The following TMEM165 variants were observed in gnomAD, a reference collection of about 807,000 sequenced individuals.
TMEM165 encodes the protein transmembrane protein 165.
A neutral mutation model predicts 30.0 loss-of-function variants in TMEM165; 19 were observed. The ratio of observed to expected loss-of-function variants is 0.63; its 90% CI spans 0.44 to 0.93. The LOEUF (loss-of-function observed/expected upper bound fraction) is 0.93. Ranked by LOEUF, TMEM165 falls within the 40% of genes least tolerant of loss-of-function variation. The pLI is 0.00. For synonymous variants in TMEM165, 168 were observed against 162.9 expected, an observed-to-expected ratio of 1.03 and a Z score of -0.24; for missense variants, 340 against 417.0, an observed-to-expected ratio of 0.82 and a Z score of 1.61.
chr4:55,427,993 T>TGCAGG (rs1722306373), downstream of TMEM165: 2 of 152,368 alleles, frequency 1.3e-5, no homozygotes, highest in Admixed American at 1.3e-4. Context: ...CAGGTGTTAT[T>TGCAGG]TTTTGAGAAA....
At chr4:55,417,661 A>C (rs1721793579) in intron 3 of TMEM165, 142 bp from the exon 4 acceptor site, 1 of 669,476 alleles carries the variant, frequency 1.5e-6, no homozygotes, top group Non-Finnish European at 2.5e-6. Context: ...AGTGGTTCAG[A>C]GGGGAGGTTT....
At chr4:55,453,321 T>A in exon 4 of TMEM165, 4 of 579,282 alleles carry the variant, frequency 6.9e-6, no homozygotes, top group Non-Finnish European at 1.2e-5. Flanking sequence ...TAAAGTTTCA[T>A]ACACTGCTGT....
intron 3 of TMEM165, chr4:55,442,534 G>T: frequency 6.2e-7 from 1 of 1,610,672 alleles, no homozygotes; most frequent in South Asian, 1.1e-5. Flanking sequence ...TGCAGGCTGA[G>T]AAATCACCAT....
downstream of TMEM165, among the ~76,000 whole-genome samples, chr4:55,427,315 C>T (rs999920976): frequency 7.3e-5 from 11 of 151,420 alleles, no homozygotes; most frequent in African/African-American, 2.7e-4. Flanking sequence ...GGATTACAGG[C>T]GTGAGCCACC....
At chr4:55,398,806 AT>A (rs1720834498) in intron 1 of TMEM165, 1 of 151,174 alleles carries the variant, frequency 6.6e-6, no homozygotes, top group Non-Finnish European at 1.5e-5. Flanking sequence ...AAGTAGTTGC[AT>A]GTCAAGTTTA....
At chr4:55,397,707 TTTCCTTTCCTTTTTCCTTTCCTTTCTCCC>T (rs1720784706) in intron 1 of TMEM165, among the ~76,000 whole-genome samples, 1 of 151,820 alleles carries the variant, frequency 6.6e-6, no homozygotes, top group African/African-American at 2.4e-5. Flanking sequence ...TCATTTCTCC[TTTCCTTTCCTTTTTCCTTTCCTTTCTCCC>T]TTCCTTTCCT....
chr4:55,414,458 T>G (rs1357603620), intron 2 of TMEM165, among the ~76,000 whole-genome samples: 4 of 152,140 alleles, frequency 2.6e-5, no homozygotes, highest in Non-Finnish European at 5.9e-5. Context: ...TTTTTATACT[T>G]TATGTTCTGG....
At chr4:55,422,943 C>CT (rs1722043204) in intron 4 of TMEM165, among the ~76,000 whole-genome samples, 1 of 151,826 alleles carries the variant, frequency 6.6e-6, no homozygotes, top group Non-Finnish European at 1.5e-5. Context: ...GCCTATTTTT[C>CT]TTTTTTTAAT....
At chr4:55,419,894 T>TAAA (rs1257248458) in intron 4 of TMEM165, among the ~76,000 whole-genome samples, 3 of 151,632 alleles carry the variant, frequency 2.0e-5, no homozygotes, top group Non-Finnish European at 4.4e-5. Context: ...AATGGAACTC[T>TAAA]GATTTTCATT....
chr4:55,417,947 C>T lies in TMEM165; in HGVS notation c.754C>T (p.Arg252Cys), dbSNP rs765658030. The part of the protein sequence containing the change: ...TLTFLAEWGD[R>C]SQLTTIVLAA... ...AACATTCTTAGCAGAATGGGGTGAT[C>T]GCTCTCAACTAACTACAATTGTATT... The change falls in exon 4 of 6, where the codon CGC (arginine) becomes TGC (cysteine). Residue 252 changes from arginine (R) to cysteine (C), a missense_variant. By Grantham distance (180) the Arg-to-Cys change is radical. Coordinates refer to ENST00000381334, the MANE Select transcript of TMEM165 (RefSeq NM_018475.5). 23 of 1,612,904 alleles carry T rather than the reference C, an allele frequency of 1.4e-5. No individual in the cohort carries two copies. Among genetic ancestry groups the T allele is most frequent in the Non-Finnish European group, 4.2e-6 (5 of 1,179,692 alleles).
At chr4:55,410,370 G>A (rs938991502) in intron 1 of TMEM165, among the ~76,000 whole-genome samples, 4 of 152,144 alleles carry the variant, frequency 2.6e-5, no homozygotes, top group African/African-American at 7.2e-5. Context: ...CATTTACAGC[G>A]TAATGACAGC....
In TMEM165 at chr4:55,411,784, C is replaced by A. The variant is rs1578236277; in HGVS notation, c.378C>A (p.Arg126=). The A allele has an allele frequency of 1.2e-6, 2 of 1,614,188 alleles. No individual in the cohort carries two copies. Among genetic ancestry groups the A allele is most frequent in the Admixed American group, 3.3e-5 (2 of 60,026 alleles). ...CCATCATGGCAATGCGCTATAACCG[C>A]CTGACCGTGCTGGCTGGTGCAATGC... is the stretch of plus-strand genomic sequence containing the variant. ...IAAIMAMRYN[R]LTVLAGAMLA... The change falls in exon 2 of 6, where the codon CGC becomes CGA. Residue 126 remains arginine, a synonymous_variant. Transcript: ENST00000381334.
intron 1 of TMEM165, chr4:55,403,337 A>T (rs1004628127): frequency 7.9e-7 from 1 of 1,266,108 alleles, no homozygotes; most frequent in African/African-American, 1.6e-5. Flanking sequence ...ATTCCGATGC[A>T]GGTATCTGTA....
At chr4:55,403,173 T>C (rs1380680120) in intron 1 of TMEM165, 43 of 1,015,486 alleles carry the variant, frequency 4.2e-5, no homozygotes, top group Non-Finnish European at 5.6e-5. Context: ...CTCCTTTGTC[T>C]TCAGATAATC....
chr4:55,427,244 G>A (rs1439367487), downstream of TMEM165, among the ~76,000 whole-genome samples: 25 of 151,150 alleles, frequency 1.7e-4, no homozygotes, highest in Non-Finnish European at 3.5e-4. Context: ...CGCCATGCTG[G>A]CCAGGCTGGT....
At chr4:55,424,359 G>A in intron 4 of TMEM165, 179 bp from the exon 5 acceptor site, 1 of 562,892 alleles carries the variant, frequency 1.8e-6, no homozygotes, top group Non-Finnish European at 3.2e-6. Context: ...AAGTATAACT[G>A]GTACATATTC....
chr4:55,442,439 G>C (rs1293038946), intron 3 of TMEM165: 1 of 1,607,940 alleles, frequency 6.2e-7, no homozygotes, highest in Non-Finnish European at 8.5e-7. Context: ...TACCTTATCT[G>C]CCTGTCCTGA....
intron 2 of TMEM165, among the ~76,000 whole-genome samples, chr4:55,416,465 G>T (rs1315688377): frequency 6.6e-6 from 1 of 152,064 alleles, no homozygotes. Flanking sequence ...CTTATCAGTG[G>T]GAAAGAGTGG....
At chr4:55,396,614 G>T (rs186346364) in intron 1 of TMEM165, among the ~76,000 whole-genome samples, 5 of 152,218 alleles carry the variant, frequency 3.3e-5, no homozygotes, top group African/African-American at 7.2e-5. Context: ...TCCAAGAGGA[G>T]CCCGCTATAA....
Sources: gnomAD v4.1 joint callset for allele counts (sites outside exome capture counted in the v4.1 genomes callset) on GRCh38, gnomAD v4.1.1 for gene constraint, MANE v1.5 for transcripts, NCBI Gene and HGNC (gene_info 2026-07-23, HGNC 2026-07-21) for gene names.